Variants in SLC9A4 observed in about 807,000 individuals in gnomAD.
The protein encoded by SLC9A4 is solute carrier family 9 member A4, also known as sodium/hydrogen exchanger 4.
A neutral mutation model predicts 67.4 loss-of-function variants in SLC9A4; 63 were observed. That is an observed-to-expected ratio of 0.93 (90% CI 0.76 to 1.15). The LOEUF (loss-of-function observed/expected upper bound fraction) is 1.15. Among genes scored for constraint, SLC9A4 ranks in the 50% most tolerant of loss-of-function variants. SLC9A4 has a pLI of 0.00. For synonymous variants in SLC9A4, 393 were observed against 367.2 expected (o/e 1.07, Z -0.80); for missense variants, 1,089 against 987.7 (o/e 1.10, Z -1.38).
At chr2:102,481,923 A>G (rs910867404) in intron 2 of SLC9A4, among the ~76,000 whole-genome samples, 5 of 151,994 alleles carry the variant, frequency 3.3e-5, no homozygotes, top group African/African-American at 9.7e-5. Context: ...TTATGCAACA[A>G]TAGTACAGAG....
rs754609127 is a variant in SLC9A4 at position 102,508,873 on chromosome 2, G to A, written c.1428G>A (p.Arg476=). 4 of 1,612,696 alleles carry A rather than the reference G, an allele frequency of 2.5e-6. No homozygotes were observed. The highest frequency in any genetic ancestry group is 4.5e-5 in the East Asian group (2 of 44,822). Residue 476 remains arginine, a synonymous_variant, in exon 6 of 12, where the codon AGG becomes AGA. Transcript: ENST00000295269. ...IQGITVGPLV[R]YLDVKKTNKK... ...GAATCACAGTTGGCCCTCTGGTCAG[G>A]TACCTGGATGTTAAAAAAACCAATA...
chr2:102,498,199 A>C (rs572611774), intron 2 of SLC9A4, among the ~76,000 whole-genome samples: 2 of 152,240 alleles, frequency 1.3e-5, no homozygotes, highest in Non-Finnish European at 2.9e-5. Context: ...ATCTTTTGCA[A>C]CTATAATGTT....
chr2:102,486,195 A>C (rs994105376), intron 2 of SLC9A4, among the ~76,000 whole-genome samples: 6 of 152,332 alleles, frequency 3.9e-5, no homozygotes, highest in Middle Eastern at 6.8e-3. Context: ...CACTCCTTGC[A>C]AGCTGAGTGA....
rs866315288 is a variant in SLC9A4 at position 102,514,224 on chromosome 2, G to A, written c.1694G>A (p.Ser565Asn). The change falls in exon 8 of 12, where the codon AGC becomes AAC. Residue 565 changes from serine to asparagine, a missense_variant. By Grantham distance (46) the Ser-to-Asn change is conservative (BLOSUM62 1). Coordinates refer to ENST00000295269, the MANE Select transcript of SLC9A4 (RefSeq NM_001011552.4). ...AIEMVETGILSSTAFSIPHQA... is the reference protein window; with the variant it reads ...AIEMVETGILNSTAFSIPHQA... ...GAGATGGTGGAGACTGGGATACTGA[G>A]CTCTACAGCTTTCTCCATACCCCAT... 1.9e-6 allele frequency: 3 copies of A among 1,613,656 alleles called. No individual in the cohort carries two copies. The highest frequency in any genetic ancestry group is 1.1e-5 in the South Asian group (1 of 91,038).
chr2:102,515,037 A>G (rs547565369), intron 8 of SLC9A4, among the ~76,000 whole-genome samples: 1 of 152,292 alleles, frequency 6.6e-6, no homozygotes, highest in Admixed American at 6.5e-5. Flanking sequence ...CTTCAATGTC[A>G]AAAGAACTCA....
chr2:102,514,625 C>A (rs1685238450), intron 8 of SLC9A4, among the ~76,000 whole-genome samples: 1 of 152,162 alleles, frequency 6.6e-6, no homozygotes, highest in South Asian at 2.1e-4. Flanking sequence ...TTCCCATAAG[C>A]CATTTCTCTT....
At chr2:102,523,328 T>A (rs1484446471) in intron 9 of SLC9A4, among the ~76,000 whole-genome samples, 1 of 152,048 alleles carries the variant, frequency 6.6e-6, no homozygotes, top group African/African-American at 2.4e-5. Context: ...TTTGTGAGGG[T>A]TACTTTAGTT....
At chr2:102,482,544 T>C (rs1684488035) in intron 2 of SLC9A4, among the ~76,000 whole-genome samples, 1 of 152,238 alleles carries the variant, frequency 6.6e-6, no homozygotes, top group African/African-American at 2.4e-5. Context: ...AGTGTCGTTG[T>C]CTGGGAATCC....
rs1373510999 is a variant in SLC9A4 at position 102,485,710 on chromosome 2, AGGTGGGCAGGGGCCATGTT to A, written c.720+6411_720+6429del. On this transcript the variant is annotated intron_variant, in intron 2 of 11. Transcript: ENST00000295269. ...GGCGGCAAGCAGTGGGGACTAGAAG[AGGTGGGCAGGGGCCATGTT>A]GGCCCTGGGGCTGGCCTGCTGCCCA... 2.0e-5 allele frequency among the ~76,000 whole-genome samples: 3 copies of A among 152,208 alleles called. No individual in the cohort carries two copies. The East Asian group carries it at 5.8e-4, about 29-fold the overall frequency.
chr2:102,525,163 G>T lies in SLC9A4; in HGVS notation c.1950+8G>T, dbSNP rs533769209. On this transcript the variant is annotated splice_region_variant and intron_variant, in intron 10 of 11. Coordinates refer to ENST00000295269, the MANE Select transcript of SLC9A4 (RefSeq NM_001011552.4). ...CTGCCCTGGGGAAAGCCGGTACATT[G>T]GGGCTGGGGACTGGGACATTCCTTC... 10 of 1,613,854 alleles carry T rather than the reference G, an allele frequency of 6.2e-6. No homozygotes were observed. In the South Asian group the frequency reaches 1.1e-4, roughly 18 times the overall value.
In SLC9A4 at chr2:102,525,154, C is replaced by T. The variant is rs755673409; in HGVS notation, c.1949C>T (p.Pro650Leu). The T allele has an allele frequency of 2.4e-5, 39 of 1,613,682 alleles. No homozygotes were observed. Among genetic ancestry groups the T allele is most frequent in the Middle Eastern group, 1.6e-4 (1 of 6,072 alleles). ...RKGHSLPWGK[P>L]AGTKNIRYLS... ...GGTCACAGCCTGCCCTGGGGAAAGC[C>T]GGTACATTGGGGCTGGGGACTGGGA... is the stretch of plus-strand genomic sequence containing the variant. The change falls in exon 10 of 12, where the codon CCG becomes CTG. Residue 650 changes from proline to leucine, a missense_variant and splice_region_variant. Transcript: ENST00000295269.
chr2:102,519,768 C>T lies in SLC9A4; in HGVS notation c.1722-91C>T, dbSNP rs533883554. On this transcript the variant is annotated intron_variant, in intron 8 of 11. Coordinates refer to ENST00000295269, the MANE Select transcript of SLC9A4 (RefSeq NM_001011552.4). ...TAGGATTCTGGAACTTAGGATTCCC[C>T]TCAGTACAGAGCAAGGCCCACTGAT... is the stretch of plus-strand genomic sequence containing the variant. 65 of 1,209,796 alleles carry T rather than the reference C, an allele frequency of 5.4e-5. 3 individuals are homozygous for T. In the South Asian group the frequency reaches 8.6e-4, roughly 16 times the overall value. 74.9% of individuals were successfully genotyped at this position (1,209,796 alleles called of 1,614,324 possible).
Position 102,473,968 on chromosome 2 carries a change from C to G in SLC9A4, c.209C>G (p.Pro70Arg). 6.2e-7 allele frequency: 1 copy of G among 1,614,048 alleles called. No homozygotes were observed. Among genetic ancestry groups the G allele is most frequent in the Non-Finnish European group, 8.5e-7 (1 of 1,179,930 alleles). Residue 70 changes from proline (P) to arginine (R), a missense_variant, in exon 1 of 12, where the codon CCT becomes CGT. Physicochemically the swap from Pro to Arg is moderately radical, Grantham distance 103. Transcript: ENST00000295269. Reference protein sequence around the residue: ...FELDYDYVQIPYEVTLWILLA... With the variant: ...FELDYDYVQIRYEVTLWILLA... ...CTGGATTATGACTATGTGCAAATTC[C>G]TTATGAGGTCACTCTCTGGATACTT... is the stretch of plus-strand genomic sequence containing the variant.
chr2:102,473,428 T>C lies in SLC9A4; in HGVS notation c.-332T>C, dbSNP rs1389677540. On this transcript the variant is annotated 5_prime_UTR_variant, in exon 1 of 12. Coordinates refer to ENST00000295269, the MANE Select transcript of SLC9A4 (RefSeq NM_001011552.4). Reference sequence around the variant, plus strand: ...TATGCAGTGAAATGAGGAAATGCCTTTAAGTGAAGAGATTTTTATTTCTTT... The same window carrying C: ...TATGCAGTGAAATGAGGAAATGCCTCTAAGTGAAGAGATTTTTATTTCTTT... 3.4e-6 allele frequency: 1 copy of C among 291,554 alleles called. No homozygotes were observed. Among genetic ancestry groups the C allele is most frequent in the African/African-American group, 2.2e-5 (1 of 45,962 alleles). The allele number at this position is 291,554 out of a possible 1,614,324, so 18.1% of individuals were successfully genotyped here.
chr2:102,510,757 G>C (rs1685150435), intron 6 of SLC9A4, among the ~76,000 whole-genome samples: 1 of 152,192 alleles, frequency 6.6e-6, no homozygotes, highest in Non-Finnish European at 1.5e-5. Context: ...GAGGGGCAAA[G>C]GGTATTACTT....
chr2:102,482,645 G>GT (rs1319009706), intron 2 of SLC9A4, among the ~76,000 whole-genome samples: 1 of 152,088 alleles, frequency 6.6e-6, no homozygotes, highest in Non-Finnish European at 1.5e-5. Context: ...TCAGATCCAA[G>GT]TTTTTTGGAG....
At chr2:102,501,600 GGCTTA>G (rs1319121039) in intron 2 of SLC9A4, among the ~76,000 whole-genome samples, 1 of 152,022 alleles carries the variant, frequency 6.6e-6, no homozygotes, top group Non-Finnish European at 1.5e-5. Context: ...GCAGAGGTCG[GGCTTA>G]CAGAGGACCT....
intron 11 of SLC9A4, among the ~76,000 whole-genome samples, chr2:102,531,091 C>T (rs1674771263): frequency 1.7e-5 from 2 of 115,546 alleles, no homozygotes; most frequent in South Asian, 5.6e-4. Flanking sequence ...GAGACGGAGT[C>T]TTGCTCTGTC....
At position 102,514,131 on chromosome 2, in the gene SLC9A4, T is replaced by A; in HGVS notation, c.1601T>A (p.Ile534Asn). The A allele has an allele frequency of 1.2e-6, 2 of 1,613,416 alleles. No homozygotes were observed. Among genetic ancestry groups the A allele is most frequent in the Non-Finnish European group, 1.7e-6 (2 of 1,179,826 alleles). ...CATAGATACTTACGGAAAATCCTCATCAGAAAGAACCTACCCAAATCAAGC... is the reference window on the plus strand; with the variant it reads ...CATAGATACTTACGGAAAATCCTCAACAGAAAGAACCTACCCAAATCAAGC... ...FDHRYLRKIL[I>N]RKNLPKSSIV... Residue 534 changes from isoleucine to asparagine, a missense_variant, in exon 8 of 12, where the codon ATC (isoleucine) becomes AAC (asparagine). Coordinates refer to ENST00000295269, the MANE Select transcript of SLC9A4 (RefSeq NM_001011552.4).
Sources: allele counts gnomAD v4.1 joint callset (sites outside exome capture counted in the v4.1 genomes callset), GRCh38; gene constraint gnomAD v4.1.1; transcripts MANE v1.5; gene names NCBI Gene and HGNC (gene_info 2026-07-23, HGNC 2026-07-21).